L3MBTL4: variants seen among roughly 807,000 people sequenced by gnomAD.
L3MBTL4 encodes lethal(3)malignant brain tumor-like protein 4.
Under a neutral mutation model 84.5 loss-of-function variants are expected in L3MBTL4, and 70 were observed. That is an observed-to-expected ratio of 0.83 (90% CI 0.68 to 1.01). The LOEUF is 1.01. L3MBTL4 is among the 50% of genes least tolerant of loss of function. L3MBTL4 has a pLI of 0.00. For synonymous variants in L3MBTL4, 274 were observed against 259.8 expected (o/e 1.05, Z -0.52); for missense variants, 715 against 754.8 (o/e 0.95, Z 0.62).
chr18:6,073,425 C>A (rs959537945), intron 16 of L3MBTL4, among the ~76,000 whole-genome samples: 3 of 151,952 alleles, frequency 2.0e-5, no homozygotes, highest in East Asian at 1.9e-4. Context: ...AATTAAAATT[C>A]TTTCAATAAA....
At chr18:6,048,751 T>G (rs112290326) in intron 16 of L3MBTL4, among the ~76,000 whole-genome samples, 10,525 of 148,912 alleles carry the variant, frequency 0.071, 1,256 homozygotes, top group African/African-American at 0.25. Flanking sequence ...ATCACACCAC[T>G]GCACTCCAGC....
chr18:6,208,767 G>T (rs145934410), intron 12 of L3MBTL4, among the ~76,000 whole-genome samples: 249 of 152,234 alleles, frequency 1.6e-3, no homozygotes, highest in African/African-American at 5.8e-3. Context: ...CATAATAGCT[G>T]GCTATAAATT....
At chr18:6,243,476 G>T in intron 6 of L3MBTL4, 47 bp from the exon 7 acceptor site, 1 of 1,474,022 alleles carries the variant, frequency 6.8e-7, no homozygotes, top group Non-Finnish European at 9.1e-7. Context: ...TCATATATTT[G>T]GAGTAGACAC....
At chr18:6,032,444 G>A (rs1187187136) in intron 16 of L3MBTL4, among the ~76,000 whole-genome samples, 2 of 151,324 alleles carry the variant, frequency 1.3e-5, no homozygotes, top group South Asian at 4.2e-4. Context: ...ACAGGTCGAG[G>A]GGGGCAGAAC....
chr18:6,338,444 G>A (rs1292419491), intron 1 of L3MBTL4, among the ~76,000 whole-genome samples: 2 of 151,828 alleles, frequency 1.3e-5, no homozygotes, highest in African/African-American at 4.8e-5. Flanking sequence ...TACAAAAGAT[G>A]ACAAGGAAAA....
intron 14 of L3MBTL4, among the ~76,000 whole-genome samples, chr18:6,136,274 C>G (rs528442776): frequency 1.3e-5 from 2 of 152,238 alleles, no homozygotes; most frequent in East Asian, 3.9e-4. Context: ...TGGCAGGCCA[C>G]TGCACATGTG....
intron 1 of L3MBTL4, chr18:6,396,470 C>T (rs1198340918): frequency 6.6e-6 from 1 of 152,344 alleles, no homozygotes; most frequent in Non-Finnish European, 1.5e-5. Flanking sequence ...ACCTCTTGAA[C>T]CACCCAGAAT....
intron 1 of L3MBTL4, among the ~76,000 whole-genome samples, chr18:6,368,015 C>T (rs2054006048): frequency 6.6e-6 from 1 of 152,108 alleles, no homozygotes; most frequent in Non-Finnish European, 1.5e-5. Flanking sequence ...TGGCTGAACA[C>T]ACCTCAGCTC....
intron 4 of L3MBTL4, among the ~76,000 whole-genome samples, chr18:6,295,574 C>T (rs2050074878): frequency 6.6e-6 from 1 of 151,876 alleles, no homozygotes. Flanking sequence ...GAAAGCTTAG[C>T]TCTTATAAAC....
intron 1 of L3MBTL4, among the ~76,000 whole-genome samples, chr18:6,336,505 C>T (rs1404471216): frequency 6.6e-6 from 1 of 152,100 alleles, no homozygotes; most frequent in African/African-American, 2.4e-5. Flanking sequence ...ACTATGAAGA[C>T]TAAAGATCAA....
At chr18:6,293,850 A>C (rs1245258151) in intron 4 of L3MBTL4, among the ~76,000 whole-genome samples, 2 of 152,206 alleles carry the variant, frequency 1.3e-5, no homozygotes, top group Admixed American at 6.5e-5. Context: ...AATCTTCAAG[A>C]GTGTCCAGGT....
rs1208749041 is a variant in L3MBTL4 at position 6,329,177 on chromosome 18, G to A, written c.-90-17121C>T. Among the ~76,000 whole-genome samples, 4 of 128,660 alleles carry A rather than the reference G, an allele frequency of 3.1e-5. No individual in the cohort carries two copies. The South Asian group carries it at 7.2e-4, about 23-fold the overall frequency. 84.4% of individuals were successfully genotyped at this position (128,660 alleles called of 152,430 possible). A position where few individuals can be genotyped will look rare whatever the true frequency, so the allele number is the denominator to read the frequency against. ...TTTTTTTTTTTTTTTTTTTTGAGAC[G>A]GAGTTTGGCTTTGTCGCCCAGGCTG... On this transcript the variant is annotated intron_variant, in intron 1 of 18. Transcript: ENST00000317931.
intron 16 of L3MBTL4, among the ~76,000 whole-genome samples, chr18:6,067,125 C>G (rs772205605): frequency 6.6e-6 from 1 of 152,214 alleles, no homozygotes; most frequent in African/African-American, 2.4e-5. Flanking sequence ...AAGATAGGAC[C>G]CCAGTCCCTT....
intron 1 of L3MBTL4, among the ~76,000 whole-genome samples, chr18:6,390,568 A>G (rs1251246823): frequency 1.3e-5 from 2 of 152,214 alleles, no homozygotes; most frequent in Non-Finnish European, 2.9e-5. Context: ...CAAAATTGAT[A>G]TACCATTATT....
intron 12 of L3MBTL4, among the ~76,000 whole-genome samples, chr18:6,181,056 T>C (rs73383918): frequency 0.032 from 4,599 of 145,190 alleles, 221 homozygotes; most frequent in African/African-American, 0.12. Context: ...GGCAAATTCA[T>C]AGGGACCAAA....
At chr18:6,028,450 AGTTTG>A (rs1337809700) in intron 16 of L3MBTL4, among the ~76,000 whole-genome samples, 2 of 152,206 alleles carry the variant, frequency 1.3e-5, no homozygotes, top group African/African-American at 4.8e-5. Flanking sequence ...CTTGCAGTAT[AGTTTG>A]AAGTCAGGTA....
At chr18:6,209,385 T>C (rs1435708192) in intron 12 of L3MBTL4, among the ~76,000 whole-genome samples, 1 of 147,144 alleles carries the variant, frequency 6.8e-6, no homozygotes, top group African/African-American at 2.6e-5. Context: ...ACTGAGCACA[T>C]ATAAATAATG....
At chr18:6,368,350 C>G (rs1432027897) in intron 1 of L3MBTL4, among the ~76,000 whole-genome samples, 4 of 152,166 alleles carry the variant, frequency 2.6e-5, no homozygotes, top group African/African-American at 7.2e-5. Context: ...CACATGCTCC[C>G]ATTCCACTCA....
chr18:6,054,109 A>G (rs2056929918), intron 16 of L3MBTL4, among the ~76,000 whole-genome samples: 1 of 152,120 alleles, frequency 6.6e-6, no homozygotes, highest in Non-Finnish European at 1.5e-5. Context: ...TAGTGATAAC[A>G]TCTTCCCCAC....
Sources: gnomAD v4.1 joint callset for allele counts (sites outside exome capture counted in the v4.1 genomes callset) on GRCh38, gnomAD v4.1.1 for gene constraint, MANE v1.5 for transcripts, NCBI Gene and HGNC (gene_info 2026-07-23, HGNC 2026-07-21) for gene names.